The following GNAS variants were observed in gnomAD, a reference collection of about 807,000 sequenced individuals.
GNAS encodes the protein GNAS complex locus, also known as protein ALEX.
In GNAS, 8 loss-of-function variants were observed where a neutral mutation model predicts 54.5. The ratio of observed to expected loss-of-function variants is 0.15; its 90% CI spans 0.09 to 0.26. The LOEUF (loss-of-function observed/expected upper bound fraction) is 0.26. Among genes scored for constraint, GNAS ranks in the 10% least tolerant of loss-of-function variants. GNAS has a pLI of 1.00. For synonymous variants in GNAS, 204 were observed against 191.4 expected (o/e 1.07, Z -0.54); for missense variants, 170 against 529.8 (o/e 0.32, Z 6.67).
chr20:58,874,112 T>C (rs1487223813), intron 1 of GNAS, among the ~76,000 whole-genome samples: 2 of 152,214 alleles, frequency 1.3e-5, no homozygotes, highest in African/African-American at 4.8e-5. Context: ...GACTGAACCT[T>C]TGCTAGTCAC....
intron 3 of GNAS, chr20:58,902,975 G>A (rs532057868): frequency 1.0e-5 from 2 of 199,468 alleles, no homozygotes; most frequent in Non-Finnish European, 2.1e-5. Context: ...ACCTCAGGCA[G>A]TCTGCCCGCC....
At chr20:58,850,416 C>T in intron 1 of GNAS, 1 of 397,526 alleles carries the variant, frequency 2.5e-6, no homozygotes, top group Non-Finnish European at 4.4e-6. Flanking sequence ...ACCCTGAACC[C>T]GTTCCTCGAC....
upstream of GNAS, chr20:58,890,892 C>T (rs1343313808): frequency 6.6e-6 from 1 of 152,244 alleles, no homozygotes; most frequent in African/African-American, 2.4e-5. Context: ...CACTCCTGCT[C>T]TCTGGCTCTC....
upstream of GNAS, chr20:58,840,181 C>A: frequency 6.2e-7 from 1 of 1,611,450 alleles, no homozygotes; most frequent in South Asian, 1.1e-5. This position sits in a 1 kb window ranked among gnomAD's most constrained non-coding sequence, Gnocchi z 6.0. Flanking sequence ...CGCCCATAGG[C>A]CGCCGGGCAG....
At chr20:58,902,204 C>T (rs564138544) in intron 3 of GNAS, among the ~76,000 whole-genome samples, 3 of 152,126 alleles carry the variant, frequency 2.0e-5, no homozygotes, top group Admixed American at 6.5e-5. Flanking sequence ...CCTCACCTCC[C>T]AGGGCCTAAC....
At chr20:58,907,015 T>G (rs234632) in intron 6 of GNAS, among the ~76,000 whole-genome samples, 4,436 of 152,212 alleles carry the variant, frequency 0.029, 76 homozygotes, top group Middle Eastern at 0.082. Flanking sequence ...TAGGAAGTAT[T>G]AGCTAATCAG....
At position 58,911,187 on chromosome 20, in the gene GNAS, A is replaced by G; in HGVS notation, c.*358A>G. ...ATCAAAATAAAAATTAAATGTGAGC[A>G]AAGAATGATGGGACTCCCGTGAGTT... On this transcript the variant is annotated 3_prime_UTR_variant, in exon 13 of 13. Transcript: ENST00000371085. 1 of 470,652 alleles carries G rather than the reference A, an allele frequency of 2.1e-6. No individual in the cohort carries two copies. The highest frequency in any genetic ancestry group is 3.9e-5 in the East Asian group (1 of 25,452). The allele number at this position is 470,652 out of a possible 1,614,324, so 29.2% of individuals were successfully genotyped here.
At position 58,909,105 on chromosome 20, in the gene GNAS, G is replaced by T. The variant is rs1159377239; in HGVS notation, c.531-57G>T. Reference sequence around the variant, plus strand: ...CTGACCTTGTAGAGAGACACAAATAGTTGGCAAATTGATGTGAGCGCTGTG... The same window carrying T: ...CTGACCTTGTAGAGAGACACAAATATTTGGCAAATTGATGTGAGCGCTGTG... On this transcript the variant is annotated intron_variant, in intron 6 of 12. Coordinates refer to ENST00000371085, the MANE Select transcript of GNAS (RefSeq NM_000516.7). The surrounding 1 kb of genome is among the most constrained non-coding windows in gnomAD (Gnocchi z 7.3). 2 of 1,439,936 alleles carry T rather than the reference G, an allele frequency of 1.4e-6. No individual in the cohort carries two copies. Among genetic ancestry groups the T allele is most frequent in the Admixed American group, 3.3e-5 (2 of 59,838 alleles). 89.2% of individuals were successfully genotyped at this position (1,439,936 alleles called of 1,614,324 possible).
intron 6 of GNAS, 142 bp downstream of exon 6, chr20:58,905,622 C>G: frequency 1.4e-6 from 1 of 697,906 alleles, no homozygotes; most frequent in Non-Finnish European, 2.6e-6. Context: ...GCAGAAAGTT[C>G]TAATCTGATT....
chr20:58,854,066 T>C (rs754058407), intron 1 of GNAS: 3 of 1,610,604 alleles, frequency 1.9e-6, no homozygotes, highest in Non-Finnish European at 2.5e-6. Context: ...TCCGCCTCAC[T>C]CCCGCCGCGA....
chr20:58,893,759 T>C (rs912613635), intron 1 of GNAS, among the ~76,000 whole-genome samples: 1 of 152,236 alleles, frequency 6.6e-6, no homozygotes, highest in East Asian at 1.9e-4. Flanking sequence ...AAAGTATAAA[T>C]CTGGAAAAGT....
chr20:58,887,149 C>T (rs2088646845), upstream of GNAS, among the ~76,000 whole-genome samples: 1 of 152,196 alleles, frequency 6.6e-6, no homozygotes, highest in Non-Finnish European at 1.5e-5. Context: ...GGAGGCTCTT[C>T]ATTATATTCA....
At chr20:58,855,370 G>A (rs1321196465) in intron 1 of GNAS, 3 of 1,543,490 alleles carry the variant, frequency 1.9e-6, no homozygotes, top group East Asian at 2.4e-5. Context: ...CAGCAGGGCC[G>A]CCGGGGAACC....
chr20:58,888,026 G>A (rs1383492566), upstream of GNAS, among the ~76,000 whole-genome samples: 2 of 152,194 alleles, frequency 1.3e-5, no homozygotes, highest in African/African-American at 4.8e-5. Flanking sequence ...ATACAAGTTT[G>A]CTCAAGGCCT....
chr20:58,845,821 C>T (rs549150101), intron 1 of GNAS, among the ~76,000 whole-genome samples: 22 of 152,330 alleles, frequency 1.4e-4, no homozygotes, highest in African/African-American at 5.3e-4. Flanking sequence ...GCCTGCAATG[C>T]GGGGCCACCA....
intron 3 of GNAS, chr20:58,903,231 T>C: frequency 2.0e-6 from 1 of 492,678 alleles, no homozygotes; most frequent in South Asian, 2.0e-5. Flanking sequence ...TGTTAGTATG[T>C]AGTGTGGGGG....
chr20:58,852,880 G>A (rs2086239876), intron 1 of GNAS: 2 of 387,854 alleles, frequency 5.2e-6, no homozygotes, highest in Non-Finnish European at 7.7e-6. Context: ...TGGTGGCAGA[G>A]AGAGAGCGCT....
intron 3 of GNAS, among the ~76,000 whole-genome samples, chr20:58,899,267 T>C (rs936358976): frequency 2.6e-5 from 4 of 152,238 alleles, no homozygotes; most frequent in African/African-American, 4.8e-5. Flanking sequence ...ATTTTGAGAA[T>C]TGATGTTTTT....
chr20:58,876,228 G>T (rs2087806926), intron 1 of GNAS, among the ~76,000 whole-genome samples: 1 of 152,110 alleles, frequency 6.6e-6, no homozygotes, highest in African/African-American at 2.4e-5. Flanking sequence ...GTGATCTTTA[G>T]GAAAAGGAAA....
Sources: allele counts gnomAD v4.1 joint callset (sites outside exome capture counted in the v4.1 genomes callset), GRCh38; gene constraint gnomAD v4.1.1; non-coding constraint Gnocchi (gnomAD v3.1); transcripts MANE v1.5; gene names NCBI Gene and HGNC (gene_info 2026-07-23, HGNC 2026-07-21).